The following SLC4A5 variants were observed in gnomAD, a reference collection of about 807,000 sequenced individuals.
SLC4A5 encodes electrogenic sodium bicarbonate cotransporter 4.
SLC4A5 carries 96 observed loss-of-function variants against 120.4 expected under a neutral mutation model. The ratio of observed to expected loss-of-function variants is 0.80; its 90% CI spans 0.68 to 0.94. SLC4A5 has a LOEUF of 0.94. SLC4A5 is among the 40% of genes least tolerant of loss of function. The pLI is 0.00. For synonymous variants in SLC4A5, 550 were observed against 571.1 expected (o/e 0.96, Z 0.53); for missense variants, 1,259 against 1,459.5 (o/e 0.86, Z 2.24).
intron 9 of SLC4A5, 71 bp downstream of exon 9, chr2:74,265,033 C>T: frequency 6.6e-7 from 1 of 1,513,278 alleles, no homozygotes; most frequent in Admixed American, 1.9e-5. Context: ...TGAGGGCAGG[C>T]ATGAGGTCAG....
At chr2:74,223,972 T>C (rs772365002) in intron 28 of SLC4A5, among the ~76,000 whole-genome samples, 4 of 152,100 alleles carry the variant, frequency 2.6e-5, no homozygotes, top group Admixed American at 6.5e-5. Flanking sequence ...TTGGGTCAAA[T>C]TGGGAGATTG....
intron 29 of SLC4A5, 62 bp downstream of exon 29, chr2:74,222,805 TC>T: frequency 7.1e-7 from 1 of 1,404,812 alleles, no homozygotes; most frequent in Non-Finnish European, 1.0e-6. Context: ...AGATGAAAGT[TC>T]CTAGGGGAAA....
intron 5 of SLC4A5, among the ~76,000 whole-genome samples, chr2:74,320,039 A>G (rs1380987017): frequency 6.6e-6 from 1 of 152,224 alleles, no homozygotes; most frequent in Admixed American, 6.5e-5. Flanking sequence ...AAAATACCTT[A>G]GAAGAAAATT....
Position 74,255,660 on chromosome 2 carries a change from C to T in SLC4A5, c.1025+115G>A. 1 of 1,205,960 alleles carries T rather than the reference C, an allele frequency of 8.3e-7. No homozygotes were observed. Among genetic ancestry groups the T allele is most frequent in the African/African-American group, 1.5e-5 (1 of 65,374 alleles). 74.7% of individuals were successfully genotyped at this position (1,205,960 alleles called of 1,614,324 possible). A position where few individuals can be genotyped will look rare whatever the true frequency, so the allele number is the denominator to read the frequency against. ...GTCAGAAGATTTCCCTTCCCAGCAG[C>T]CTCCACGTTTAGAGGTGCCTTTGAG... On this transcript the variant is annotated intron_variant, in intron 13 of 30. Transcript: ENST00000394019. The surrounding 1 kb of genome is among the most constrained non-coding windows in gnomAD (Gnocchi z 4.0).
At position 74,255,750 on chromosome 2, in the gene SLC4A5, G is replaced by A. The variant is rs761258700; in HGVS notation, c.1025+25C>T. 1 of 1,612,598 alleles carries A rather than the reference G, an allele frequency of 6.2e-7. No individual in the cohort carries two copies. The highest frequency in any genetic ancestry group is 8.5e-7 in the Non-Finnish European group (1 of 1,178,938). ...CTGACTGGCTACCTGAGAGTGGCGT[G>A]GGGACAGGTTTCAATGGCTCTCACC... On this transcript the variant is annotated intron_variant, in intron 13 of 30. Transcript: ENST00000394019. This position sits in a 1 kb window ranked among gnomAD's most constrained non-coding sequence, Gnocchi z 4.0.
exon 31 of SLC4A5, chr2:74,216,945 A>C (rs1346074315): frequency 6.6e-6 from 1 of 152,200 alleles, no homozygotes; most frequent in African/African-American, 2.4e-5. Context: ...GGTTCTGGAA[A>C]TTCTAAGAAA....
At chr2:74,256,185 C>T (rs1292237909) in intron 12 of SLC4A5, among the ~76,000 whole-genome samples, 4 of 152,134 alleles carry the variant, frequency 2.6e-5, no homozygotes, top group African/African-American at 4.8e-5. Flanking sequence ...CATTCCTTGA[C>T]GGATGAAAAC....
At chr2:74,314,003 C>A (rs749402667) in intron 6 of SLC4A5, among the ~76,000 whole-genome samples, 12 of 152,144 alleles carry the variant, frequency 7.9e-5, no homozygotes, top group Admixed American at 2.6e-4. Flanking sequence ...CTTTCTCTAC[C>A]AAACTGGCTT....
chr2:74,311,830 T>A (rs1350318359), intron 6 of SLC4A5, among the ~76,000 whole-genome samples: 1 of 152,210 alleles, frequency 6.6e-6, no homozygotes, highest in Non-Finnish European at 1.5e-5. Flanking sequence ...GTGATTTATA[T>A]GCTGTTCCTT....
At chr2:74,216,479 T>C (rs1253446128) in exon 31 of SLC4A5, 6 of 152,260 alleles carry the variant, frequency 3.9e-5, no homozygotes, top group African/African-American at 1.2e-4. Context: ...CTTGAATCCA[T>C]AGCATTTCTA....
exon 28 of SLC4A5, chr2:74,224,978 G>T: frequency 6.2e-7 from 1 of 1,614,026 alleles, no homozygotes; most frequent in Non-Finnish European, 8.5e-7. Context: ...GCCTTCGAAC[G>T]ATGATGAGGC....
At chr2:74,251,618 G>A (rs1670792537) in intron 16 of SLC4A5, among the ~76,000 whole-genome samples, 1 of 152,200 alleles carries the variant, frequency 6.6e-6, no homozygotes, top group East Asian at 1.9e-4. Flanking sequence ...TCATTATGGT[G>A]GGCCCTATTC....
chr2:74,255,795 G>A lies in SLC4A5; in HGVS notation c.1005C>T (p.Thr335=), dbSNP rs369114239. The A allele has an allele frequency of 9.9e-6, 16 of 1,614,072 alleles. No homozygotes were observed. Among genetic ancestry groups the A allele is most frequent in the East Asian group, 6.7e-5 (3 of 44,880 alleles). Residue 335 remains threonine (T), a synonymous_variant, in exon 13 of 31, where the codon ACC becomes ACT. Transcript: ENST00000394019. This position sits in a 1 kb window ranked among gnomAD's most constrained non-coding sequence, Gnocchi z 4.0. The stretch of plus-strand genomic sequence containing the variant: ...CTCACCTGGTGGGGACAGGCACCTC[G>A]GTCACTCCTCCCAGCATGGCCGACT...
rs147576970 is a variant in SLC4A5 at position 74,227,399 on chromosome 2, T to C, written c.2917-269A>G. On this transcript the variant is annotated intron_variant, in intron 26 of 30. Transcript: ENST00000394019. ...CATATTCAGGGAAAGTGCAAGTTAA[T>C]TGTAACACAAACTGTTTAAGAATTC... 3.3e-3 allele frequency: 4,728 copies of C among 1,417,194 alleles called. 16 individuals are homozygous for C. Among genetic ancestry groups the C allele is most frequent in the Non-Finnish European group, 4.2e-3 (4,379 of 1,043,732 alleles). 87.8% of individuals were successfully genotyped at this position (1,417,194 alleles called of 1,614,324 possible). A position where few individuals can be genotyped will look rare whatever the true frequency, so the allele number is the denominator to read the frequency against.
At chr2:74,307,429 G>T in intron 6 of SLC4A5, 1 of 632,118 alleles carries the variant, frequency 1.6e-6, no homozygotes, top group Non-Finnish European at 3.0e-6. Context: ...AGCTACAGCC[G>T]AGTGACACTG....
chr2:74,270,306 AG>A (rs1671431902), intron 8 of SLC4A5, among the ~76,000 whole-genome samples: 2 of 152,248 alleles, frequency 1.3e-5, no homozygotes. Context: ...GGAAACATGG[AG>A]GACCAAAGAT....
Position 74,241,905 on chromosome 2 carries a change from C to T in SLC4A5, c.2118+89G>A, listed in dbSNP as rs546934194. The T allele has an allele frequency of 1.2e-3, 1,432 of 1,218,318 alleles. 38 individuals are homozygous for T. The South Asian group carries it at 0.017, about 15-fold the overall frequency. The allele number at this position is 1,218,318 out of a possible 1,614,324, so 75.5% of individuals were successfully genotyped here. A position where few individuals can be genotyped will look rare whatever the true frequency, so the allele number is the denominator to read the frequency against. ...AGTTGACCTCTGCAAGTCTGGGAGG[C>T]CATAAGTTGGTCTCATTTCCAAAAT... On this transcript the variant is annotated intron_variant, in intron 20 of 30. Coordinates refer to ENST00000394019, the Ensembl canonical transcript of SLC4A5.
intron 21 of SLC4A5, 91 bp from the exon 22 acceptor site, chr2:74,235,305 C>G (rs1243124602): frequency 1.1e-6 from 1 of 870,598 alleles, no homozygotes; most frequent in African/African-American, 1.7e-5. Context: ...AAGAGGTGAA[C>G]TATTACAGTC....
At chr2:74,294,480 T>C (rs1012066926) in intron 7 of SLC4A5, among the ~76,000 whole-genome samples, 3 of 152,180 alleles carry the variant, frequency 2.0e-5, no homozygotes, top group Non-Finnish European at 2.9e-5. Context: ...TTGGTAGATA[T>C]AAATGCAGTA....
Sources: gnomAD v4.1 joint callset for allele counts (sites outside exome capture counted in the v4.1 genomes callset) on GRCh38, gnomAD v4.1.1 for gene constraint, Gnocchi (gnomAD v3.1) non-coding constraint, MANE v1.5 for transcripts, NCBI Gene and HGNC (gene_info 2026-07-23, HGNC 2026-07-21) for gene names.